CAPN6: variants seen among roughly 807,000 people sequenced by gnomAD.
CAPN6 encodes the protein calpain 6, also known as calpain-6.
A neutral mutation model predicts 46.0 loss-of-function variants in CAPN6; 16 were observed. The observed-to-expected ratio is 0.35, with a 90% CI of 0.24 to 0.53. The LOEUF (loss-of-function observed/expected upper bound fraction) is 0.53. Among genes scored for constraint, CAPN6 ranks in the 20% least tolerant of loss-of-function variants. The probability of loss-of-function intolerance (pLI) is 0.94; values close to 1 mark genes in which losing one functional copy is unlikely to be tolerated. For synonymous variants in CAPN6, 206 were observed against 172.8 expected (o/e 1.19, Z -1.51); for missense variants, 461 against 498.0 (o/e 0.93, Z 0.71).
Position 111,263,832 on chromosome X carries a change from C to A in CAPN6, c.105G>T (p.Glu35Asp), listed in dbSNP as rs1244914818. ...RLFCDPTFLP[E>D]NDSLFYNRLL... ...GTCGGTTGTAGAAAAGAGAATCATT[C>A]TCAGGCAGAAATGTTGGATCACAGA... Residue 35 changes from glutamate to aspartate, a missense_variant, in exon 2 of 13, where the codon GAG (glutamate) becomes GAT (aspartate). Coordinates refer to ENST00000324068, the MANE Select transcript of CAPN6 (RefSeq NM_014289.4). 8.3e-6 allele frequency: 10 copies of A among 1,207,440 alleles called. No homozygotes were observed. The highest frequency in any genetic ancestry group is 1.1e-5 in the Non-Finnish European group (10 of 893,756).
chrX:111,270,351 C>T lies in CAPN6; in HGVS notation c.-16+20G>A, dbSNP rs1203521699. The T allele has an allele frequency of 1.3e-5, 4 of 310,040 alleles. No individual in the cohort carries two copies. Among genetic ancestry groups the T allele is most frequent in the South Asian group, 1.2e-4 (4 of 33,944 alleles). The allele number at this position is 310,040 out of a possible 1,213,427, so 25.6% of individuals were successfully genotyped here. ...GAAATAAAACTCCAGGGTAAGTTTG[C>T]GAATTCCCTCTCTACTCACCTGAGT... On this transcript the variant is annotated intron_variant, in intron 1 of 12. Coordinates refer to ENST00000324068, the MANE Select transcript of CAPN6 (RefSeq NM_014289.4).
chrX:111,247,928 C>T lies in CAPN6; in HGVS notation c.1549G>A (p.Val517Ile), dbSNP rs777698076. Reference protein sequence around the residue: ...WNLARGYPKVVTQITVHSAED... With the variant: ...WNLARGYPKVITQITVHSAED... ...GCACTGTGAACAGTGATCTGAGTAA[C>T]TACTTTCGGGTAGCCACGAGCCAGG... is the stretch of plus-strand genomic sequence containing the variant. The change falls in exon 11 of 13, where the codon GTT (valine) becomes ATT (isoleucine). Residue 517 changes from valine to isoleucine, a missense_variant. Coordinates refer to ENST00000324068, the MANE Select transcript of CAPN6 (RefSeq NM_014289.4). 8.3e-7 allele frequency: 1 copy of T among 1,210,717 alleles called. No homozygotes were observed. The highest frequency in any genetic ancestry group is 3.0e-5 in the East Asian group (1 of 33,858).
In CAPN6 at chrX:111,251,574, C is replaced by T; in HGVS notation, c.868G>A (p.Glu290Lys). The stretch of plus-strand genomic sequence containing the variant: ...ATTTCACTCCAGGGGCCACTCCATT[C>T]CTGTCTTCCCAAGGGGTTTCTCAGG... ...VRLRNPLGRQ[E>K]WSGPWSEISE... is the part of the protein sequence containing the mutation. Residue 290 changes from glutamate (E) to lysine (K), a missense_variant, in exon 6 of 13, where the codon GAA becomes AAA. Physicochemically the swap from Glu to Lys is moderately conservative, Grantham distance 56. Coordinates refer to ENST00000324068, the MANE Select transcript of CAPN6 (RefSeq NM_014289.4). The T allele has an allele frequency of 1.7e-5, 20 of 1,209,000 alleles. No individual in the cohort carries two copies. The highest frequency in any genetic ancestry group is 2.1e-5 in the Non-Finnish European group (19 of 893,251).
chrX:111,267,033 T>C (rs1416264964), intron 1 of CAPN6, among the ~76,000 whole-genome samples: 3 of 112,246 alleles, frequency 2.7e-5, no homozygotes, highest in Non-Finnish European at 5.6e-5. Context: ...ATAAACAACT[T>C]ACTCTGTTGG....
chrX:111,248,823 G>A (rs2094976767), intron 9 of CAPN6, 52 bp from the exon 10 acceptor site: 1 of 1,185,407 alleles, frequency 8.4e-7, no homozygotes, highest in Non-Finnish European at 1.1e-6. Context: ...CATGGTTTTT[G>A]TATGCTCTGT....
At position 111,253,085 on chromosome X, in the gene CAPN6, A is replaced by C. The variant is rs772176938; in HGVS notation, c.429T>G (p.Ile143Met). 1 of 1,208,755 alleles carries C rather than the reference A, an allele frequency of 8.3e-7. No homozygotes were observed. Among genetic ancestry groups the C allele is most frequent in the Non-Finnish European group, 1.1e-6 (1 of 893,678 alleles). ...AGAAAGAGAAGACCAGATCTCCGTT[A>C]ATGGTGGGCAACAAGTCATCAATCA... ...EVVIDDLLPT[I>M]NGDLVFSFST... is the part of the protein sequence containing the mutation. Residue 143 changes from isoleucine (I) to methionine (M), a missense_variant, in exon 4 of 13, where the codon ATT (isoleucine) becomes ATG (methionine). Physicochemically the swap from Ile to Met is conservative, Grantham distance 10. Coordinates refer to ENST00000324068, the MANE Select transcript of CAPN6 (RefSeq NM_014289.4).
chrX:111,265,555 T>G (rs966374340), intron 1 of CAPN6, among the ~76,000 whole-genome samples: 1 of 111,946 alleles, frequency 8.9e-6, no homozygotes, highest in Non-Finnish European at 1.9e-5. Context: ...AGTAAAAATT[T>G]TTAGTTATGC....
chrX:111,262,111 G>A (rs1352344959), intron 2 of CAPN6, among the ~76,000 whole-genome samples: 3 of 110,578 alleles, frequency 2.7e-5, no homozygotes, highest in African/African-American at 9.9e-5. Context: ...AAAAAAAAAA[G>A]CCTGTCTGCA....
chrX:111,255,800 C>T lies in CAPN6; in HGVS notation c.166-1397G>A, dbSNP rs181790660. Among the ~76,000 whole-genome samples, 6 of 111,909 alleles carry T rather than the reference C, an allele frequency of 5.4e-5. No homozygotes were observed. The Admixed American group carries it at 5.6e-4, about 11-fold the overall frequency. ...GGAGATTAACTGGGCATCCCTCTGCCAAAAGGAGATGGCTAGATAGGTTGT... is the reference window on the plus strand; with the variant it reads ...GGAGATTAACTGGGCATCCCTCTGCTAAAAGGAGATGGCTAGATAGGTTGT... On this transcript the variant is annotated intron_variant, in intron 2 of 12. Transcript: ENST00000324068.
At chrX:111,258,319 G>A (rs1366203376) in intron 2 of CAPN6, among the ~76,000 whole-genome samples, 1 of 112,076 alleles carries the variant, frequency 8.9e-6, no homozygotes, top group Non-Finnish European at 1.9e-5. Flanking sequence ...AGTGCTACGT[G>A]CAATCTAGCA....
rs1391557405 is a variant in CAPN6 at position 111,246,277 on chromosome X, T to C, written c.*300A>G. Reference sequence around the variant, plus strand: ...AAAGACATCTGTAGGGTGTCCAGCCTCTTGTTATTGTCCTACTTGAATCTC... The same window carrying C: ...AAAGACATCTGTAGGGTGTCCAGCCCCTTGTTATTGTCCTACTTGAATCTC... On this transcript the variant is annotated 3_prime_UTR_variant, in exon 13 of 13. Transcript: ENST00000324068. 1 of 288,725 alleles carries C rather than the reference T, an allele frequency of 3.5e-6. No individual in the cohort carries two copies. Among genetic ancestry groups the C allele is most frequent in the African/African-American group, 2.7e-5 (1 of 36,421 alleles). The allele number at this position is 288,725 out of a possible 1,213,427, so 23.8% of individuals were successfully genotyped here.
At chrX:111,256,943 T>C (rs2094984359) in intron 2 of CAPN6, among the ~76,000 whole-genome samples, 1 of 108,758 alleles carries the variant, frequency 9.2e-6, no homozygotes, top group Non-Finnish European at 1.9e-5. Context: ...TAACAATAGA[T>C]TTAAAACATG....
chrX:111,251,119 A>G lies in CAPN6; in HGVS notation c.972-16T>C, dbSNP rs1185031717. On this transcript the variant is annotated splice_polypyrimidine_tract_variant and intron_variant, in intron 7 of 12. Coordinates refer to ENST00000324068, the MANE Select transcript of CAPN6 (RefSeq NM_014289.4). ...CAAGCTCATCCTGAATGGAAGGAGC[A>G]CAGGAAAAAAATAAAGATGGTATTT... The G allele has an allele frequency of 8.3e-7, 1 of 1,209,089 alleles. No individual in the cohort carries two copies. The highest frequency in any genetic ancestry group is 1.1e-6 in the Non-Finnish European group (1 of 894,120).
chrX:111,251,267 G>A lies in CAPN6; in HGVS notation c.913C>T (p.Leu305=), dbSNP rs1359127936. The change falls in exon 7 of 13, where the codon CTG becomes TTG. Residue 305 remains leucine, a synonymous_variant. Transcript: ENST00000324068. ...AGGTTCTTGCGATCTGATGCAGTCA[G>A]TTGCTGCCACTCTTCAGAACTGAAA... ...WSEISEEWQQ[L]TASDRKNLGL... The A allele has an allele frequency of 2.5e-6, 3 of 1,201,049 alleles. No homozygotes were observed. In the Admixed American group the frequency reaches 6.6e-5, roughly 27 times the overall value.
rs1200457656 is a variant in CAPN6 at position 111,251,727 on chromosome X, C to T, written c.715G>A (p.Glu239Lys). 8.3e-7 allele frequency: 1 copy of T among 1,206,274 alleles called. No homozygotes were observed. The highest frequency in any genetic ancestry group is 1.7e-5 in the African/African-American group (1 of 57,567). ...CCCCAATCAGTTTCAACTTCTTGCT[C>T]CTCCTGATTGGGAGACTGAGAGCAA... ...CCSIESPNQE[E>K]QEVETDWGLL... Residue 239 changes from glutamate (E) to lysine (K), a missense_variant, in exon 6 of 13, where the codon GAG (glutamate) becomes AAG (lysine). By Grantham distance (56) the Glu-to-Lys change is moderately conservative. Coordinates refer to ENST00000324068, the MANE Select transcript of CAPN6 (RefSeq NM_014289.4).
intron 12 of CAPN6, among the ~76,000 whole-genome samples, chrX:111,247,139 C>A (rs1410234309): frequency 9.0e-6 from 1 of 111,683 alleles, no homozygotes; most frequent in Non-Finnish European, 1.9e-5. Flanking sequence ...TACTGGTGAG[C>A]ATGTGGGCTT....
chrX:111,260,583 A>T (rs2094987156), intron 2 of CAPN6, among the ~76,000 whole-genome samples: 1 of 112,081 alleles, frequency 8.9e-6, no homozygotes, highest in Admixed American at 9.4e-5. Context: ...TCCTGAGCCA[A>T]TTCAGAGAGG....
Position 111,249,051 on chromosome X carries a change from A to G in CAPN6, c.1165T>C (p.Phe389Leu). ...TTGTGCCCATCCTCAGGCACAGTGA[A>G]GATGTACTAAGGGAAAGAGACCACC... ...DTFLQNPQYI[F>L]TVPEDGHKVI... Residue 389 changes from phenylalanine (F) to leucine (L), a missense_variant, in exon 9 of 13, where the codon TTC (phenylalanine) becomes CTC (leucine). Transcript: ENST00000324068. 1 of 1,211,115 alleles carries G rather than the reference A, an allele frequency of 8.3e-7. No homozygotes were observed. Among genetic ancestry groups the G allele is most frequent in the Non-Finnish European group, 1.1e-6 (1 of 895,168 alleles).
At position 111,251,672 on chromosome X, in the gene CAPN6, G is replaced by T; in HGVS notation, c.770C>A (p.Thr257Asn). The T allele has an allele frequency of 1.7e-6, 2 of 1,210,412 alleles. No homozygotes were observed. The highest frequency in any genetic ancestry group is 3.5e-5 in the South Asian group (2 of 56,910). ...GLLKGHTYTM[T>N]DIRKIRLGER... ...TCCAAGACGAATTTTGCGAATATCA[G>T]TCATGGTATAGGTATGGCCCTTCAG... Residue 257 changes from threonine (T) to asparagine (N), a missense_variant, in exon 6 of 13, where the codon ACT becomes AAT. By Grantham distance (65) the Thr-to-Asn change is moderately conservative (BLOSUM62 0). Coordinates refer to ENST00000324068, the MANE Select transcript of CAPN6 (RefSeq NM_014289.4).
Sources: gnomAD v4.1 joint callset for allele counts (sites outside exome capture counted in the v4.1 genomes callset) on GRCh38, gnomAD v4.1.1 for gene constraint, MANE v1.5 for transcripts, NCBI Gene and HGNC (gene_info 2026-07-23, HGNC 2026-07-21) for gene names.